Variants in PDE4D observed in about 807,000 individuals in gnomAD.
PDE4D encodes 3',5'-cyclic-AMP phosphodiesterase 4D.
A neutral mutation model predicts 87.4 loss-of-function variants in PDE4D; 24 were observed. The ratio of observed to expected loss-of-function variants is 0.27; its 90% CI spans 0.20 to 0.39. The LOEUF is 0.39. PDE4D is among the 10% of genes least tolerant of loss of function. The pLI is 1.00. For synonymous variants in PDE4D, 384 were observed against 383.2 expected, an observed-to-expected ratio of 1.00 and a Z score of -0.02; for missense variants, 714 against 1,041.0, an observed-to-expected ratio of 0.69 and a Z score of 4.32.
chr5:59,854,404 A>AT (rs1013710902), intron 1 of PDE4D, among the ~76,000 whole-genome samples: 11 of 152,008 alleles, frequency 7.2e-5, no homozygotes, highest in Non-Finnish European at 1.5e-4. Flanking sequence ...TATGCATATA[A>AT]TTTTTTTCAA....
intron 5 of PDE4D, among the ~76,000 whole-genome samples, chr5:59,062,171 G>A (rs1763226924): frequency 6.6e-6 from 1 of 152,144 alleles, no homozygotes; most frequent in Non-Finnish European, 1.5e-5. Context: ...TTCTCTGGCT[G>A]TCCTAATGAA....
intron 3 of PDE4D, among the ~76,000 whole-genome samples, chr5:59,904,696 C>T (rs1306009759): frequency 1.3e-5 from 2 of 152,094 alleles, no homozygotes; most frequent in Non-Finnish European, 2.9e-5. Context: ...TTAATCTGTC[C>T]TCAAGGAATA....
intron 1 of PDE4D, among the ~76,000 whole-genome samples, chr5:59,304,145 T>A (rs1227652626): frequency 1.3e-5 from 2 of 152,094 alleles, no homozygotes; most frequent in Admixed American, 6.6e-5. Context: ...TTATTTTATT[T>A]TTTTTACAGC....
chr5:60,301,402 T>C (rs1753881050), intron 1 of PDE4D, among the ~76,000 whole-genome samples: 1 of 152,208 alleles, frequency 6.6e-6, no homozygotes, highest in South Asian at 2.1e-4. Context: ...TGGTTTGTAG[T>C]TCTCCTTGAA....
At chr5:59,497,093 G>T (rs28725359) in intron 1 of PDE4D, among the ~76,000 whole-genome samples, 9,774 of 152,122 alleles carry the variant, frequency 0.064, 343 homozygotes, top group South Asian at 0.098. Context: ...TTGGCGCCCT[G>T]AAAGCACTCA....
chr5:59,777,130 C>T (rs1164449470), intron 1 of PDE4D, among the ~76,000 whole-genome samples: 1 of 152,114 alleles, frequency 6.6e-6, no homozygotes, highest in African/African-American at 2.4e-5. Context: ...GGAGTGCGTT[C>T]TTTTTTCTTT....
intron 2 of PDE4D, among the ~76,000 whole-genome samples, chr5:60,121,709 A>T (rs1044786356): frequency 6.6e-6 from 1 of 152,110 alleles, no homozygotes; most frequent in Non-Finnish European, 1.5e-5. Context: ...ACACGGAGCT[A>T]AACCATATAA....
intron 5 of PDE4D, among the ~76,000 whole-genome samples, chr5:59,161,560 T>C (rs1217285091): frequency 6.6e-6 from 1 of 152,114 alleles, no homozygotes; most frequent in African/African-American, 2.4e-5. Flanking sequence ...CTTATCAGAC[T>C]TAAGGTCTGT....
At chr5:59,200,806 A>T (rs1031092655) in intron 2 of PDE4D, among the ~76,000 whole-genome samples, 1 of 151,868 alleles carries the variant, frequency 6.6e-6, no homozygotes, top group Admixed American at 6.6e-5. Flanking sequence ...CAACTTAAAG[A>T]ACCATTCAAA....
intron 1 of PDE4D, among the ~76,000 whole-genome samples, chr5:59,819,549 A>T (rs1769398749): frequency 6.6e-6 from 1 of 152,090 alleles, no homozygotes. Context: ...GTCCTCCTTG[A>T]TTTTGGTACA....
In PDE4D at chr5:59,343,459, A is replaced by G. The variant is rs150527623; in HGVS notation, c.456-127491T>C. Among the ~76,000 whole-genome samples the G allele has an allele frequency of 3.9e-5, 6 of 152,280 alleles. No homozygotes were observed. The East Asian group carries it at 1.2e-3, about 29-fold the overall frequency. ...TACTTACTAGCTTTCAGCCAGAAGAACAATGTTAGCAAAAGGGTCACTTTT... is the reference window on the plus strand; with the variant it reads ...TACTTACTAGCTTTCAGCCAGAAGAGCAATGTTAGCAAAAGGGTCACTTTT... On this transcript the variant is annotated intron_variant, in intron 1 of 14. Transcript: ENST00000340635.
intron 1 of PDE4D, among the ~76,000 whole-genome samples, chr5:60,197,114 T>G (rs924516669): frequency 5.3e-5 from 8 of 150,090 alleles, no homozygotes; most frequent in African/African-American, 1.5e-4. Flanking sequence ...GATAGATAGA[T>G]AGATAGATAG....
intron 1 of PDE4D, among the ~76,000 whole-genome samples, chr5:59,634,708 A>G (rs1832012483): frequency 6.6e-6 from 1 of 152,252 alleles, no homozygotes; most frequent in Non-Finnish European, 1.5e-5. Flanking sequence ...CATACAATGT[A>G]CCAGAATCTC....
chr5:59,307,711 A>G (rs1771686448), intron 1 of PDE4D, among the ~76,000 whole-genome samples: 3 of 151,874 alleles, frequency 2.0e-5, no homozygotes, highest in Admixed American at 2.0e-4. Flanking sequence ...TCAGGAAACA[A>G]CAGGTGCTGG....
intron 1 of PDE4D, among the ~76,000 whole-genome samples, chr5:59,253,567 ATTAATGAT>A (rs923323601): frequency 2.0e-5 from 3 of 152,158 alleles, no homozygotes; most frequent in Non-Finnish European, 4.4e-5. Flanking sequence ...CATTTTTTTC[ATTAATGAT>A]TTTACTCCTC....
At chr5:59,954,256 GA>G (rs577899717) in intron 3 of PDE4D, among the ~76,000 whole-genome samples, 6 of 152,170 alleles carry the variant, frequency 3.9e-5, no homozygotes, top group Non-Finnish European at 7.4e-5. Context: ...TGAATAGCAA[GA>G]AATGATATGG....
chr5:59,165,237 C>T (rs1781745648), intron 5 of PDE4D, among the ~76,000 whole-genome samples: 3 of 152,112 alleles, frequency 2.0e-5, no homozygotes, highest in East Asian at 1.9e-4. Flanking sequence ...TGATCAAGTG[C>T]TTACTGTGAG....
At chr5:59,954,219 T>C (rs986434495) in intron 3 of PDE4D, among the ~76,000 whole-genome samples, 2 of 152,202 alleles carry the variant, frequency 1.3e-5, no homozygotes, top group Non-Finnish European at 2.9e-5. Flanking sequence ...CCACCACACC[T>C]GGCCTGTTTC....
At chr5:59,771,485 G>GAA (rs56311484) in intron 1 of PDE4D, among the ~76,000 whole-genome samples, 3,467 of 69,072 alleles carry the variant, frequency 0.05, 65 homozygotes, top group Admixed American at 0.058. Context: ...AAGAAAGAAA[G>GAA]AGAGAGAGAG....
Sources: allele counts gnomAD v4.1 joint callset (sites outside exome capture counted in the v4.1 genomes callset), GRCh38; gene constraint gnomAD v4.1.1; transcripts MANE v1.5; gene names NCBI Gene and HGNC (gene_info 2026-07-23, HGNC 2026-07-21).